LDHC: variants seen among roughly 807,000 people sequenced by gnomAD.
LDHC encodes the protein L-lactate dehydrogenase C chain.
Under a neutral mutation model 30.2 loss-of-function variants are expected in LDHC, and 20 were observed. The observed-to-expected ratio is 0.66, with a 90% confidence interval of 0.47 to 0.96. The LOEUF is 0.96. LDHC is among the 40% of genes least tolerant of loss of function. The probability of loss-of-function intolerance (pLI) is 0.00; values close to 1 mark genes in which losing one functional copy is unlikely to be tolerated. For synonymous variants in LDHC, 139 were observed against 132.7 expected (o/e 1.05, Z -0.32); for missense variants, 362 against 394.9 (o/e 0.92, Z 0.71).
chr11:18,430,955 G>C (rs1487638688), intron 4 of LDHC, among the ~76,000 whole-genome samples: 2 of 152,016 alleles, frequency 1.3e-5, no homozygotes, highest in Non-Finnish European at 2.9e-5. Flanking sequence ...CTTGAGCCTA[G>C]GAGTTTGAGA....
intron 2 of LDHC, 130 bp downstream of exon 2, chr11:18,412,973 CCCTCCCTCCCTCCCTTCCTT>C (rs1339283504): frequency 6.9e-6 from 3 of 431,948 alleles, no homozygotes; most frequent in Non-Finnish European, 1.2e-5. Context: ...TTTCCTCCCT[CCCTCCCTCCCTCCCTTCCTT>C]CCTTCCTTCC....
intron 2 of LDHC, among the ~76,000 whole-genome samples, chr11:18,414,197 T>C (rs113066977): frequency 0.014 from 2,076 of 152,352 alleles, 52 homozygotes; most frequent in African/African-American, 0.047. Context: ...CCGTCTTCCA[T>C]TTTCAAACTT....
chr11:18,415,229 C>T lies in LDHC; in HGVS notation c.172C>T (p.Leu58=). 2 of 1,611,108 alleles carry T rather than the reference C, an allele frequency of 1.2e-6. No individual in the cohort carries two copies. The highest frequency in any genetic ancestry group is 1.7e-6 in the Non-Finnish European group (2 of 1,177,868). Residue 58 remains leucine, a synonymous_variant, in exon 3 of 8, where the codon CTG becomes TTG. Coordinates refer to ENST00000541669, the MANE Select transcript of LDHC (RefSeq NM_017448.5). The part of the protein sequence containing the change: ...LALVDVALDK[L]KGEMMDLQHG... ...CCTTGTTGATGTTGCATTGGACAAA[C>T]TGAAGGGAGAAATGATGGATCTTCA...
chr11:18,433,492 G>T (rs1439357525), intron 4 of LDHC, among the ~76,000 whole-genome samples: 4 of 152,082 alleles, frequency 2.6e-5, no homozygotes, highest in Non-Finnish European at 5.9e-5. Context: ...TGGTGGCTTG[G>T]TAATGGCAAA....
chr11:18,425,027 C>A (rs900441508), intron 3 of LDHC, among the ~76,000 whole-genome samples: 4 of 152,006 alleles, frequency 2.6e-5, no homozygotes, highest in Non-Finnish European at 5.9e-5. Context: ...AATAAAAAAA[C>A]AATTAATATG....
intron 3 of LDHC, among the ~76,000 whole-genome samples, chr11:18,418,547 A>C (rs1483210116): frequency 1.3e-5 from 2 of 151,824 alleles, no homozygotes; most frequent in Non-Finnish European, 2.9e-5. Context: ...CTCCTGCCTC[A>C]GCCTCCCAAG....
chr11:18,426,337 G>T (rs1848161923), intron 3 of LDHC, among the ~76,000 whole-genome samples: 1 of 152,004 alleles, frequency 6.6e-6, no homozygotes, highest in Admixed American at 6.6e-5. Flanking sequence ...GACCAACCTG[G>T]CCAACATGGC....
chr11:18,438,547 G>C lies in LDHC; in HGVS notation c.612G>C (p.Val204=), dbSNP rs780800786. Residue 204 remains valine (V), a synonymous_variant, in exon 6 of 8, where the codon GTG becomes GTC. Coordinates refer to ENST00000541669, the MANE Select transcript of LDHC (RefSeq NM_017448.5). ...TTTTAGTGCCCTTATGGAGTGGGGT[G>C]AATGTTGCTGGTGTTGCTCTGAAGA... ...GDSSVPLWSG[V]NVAGVALKTL... The C allele has an allele frequency of 4.7e-5, 76 of 1,610,324 alleles. No homozygotes were observed. The highest frequency in any genetic ancestry group is 5.9e-5 in the Non-Finnish European group (70 of 1,176,756).
chr11:18,420,914 C>T (rs752953804), intron 3 of LDHC, among the ~76,000 whole-genome samples: 2 of 151,956 alleles, frequency 1.3e-5, no homozygotes, highest in Non-Finnish European at 1.5e-5. Context: ...TATAAATATA[C>T]GGGCGAGGGG....
intron 4 of LDHC, among the ~76,000 whole-genome samples, chr11:18,432,157 G>T (rs1446706218): frequency 2.0e-5 from 3 of 152,064 alleles, no homozygotes; most frequent in Admixed American, 2.0e-4. Context: ...GTTTTGATAG[G>T]TTGTGTCATT....
chr11:18,443,363 A>G (rs1002184728), intron 6 of LDHC, among the ~76,000 whole-genome samples: 1 of 152,114 alleles, frequency 6.6e-6, no homozygotes, highest in African/African-American at 2.4e-5. Flanking sequence ...GGAGCAGCCC[A>G]TCTACCTCCC....
At chr11:18,422,838 C>G (rs926177415) in intron 3 of LDHC, among the ~76,000 whole-genome samples, 1 of 151,402 alleles carries the variant, frequency 6.6e-6, no homozygotes, top group Non-Finnish European at 1.5e-5. Flanking sequence ...CAAAAATTAG[C>G]TGGGCGTGTT....
Position 18,451,178 on chromosome 11 carries a change from G to A in LDHC, c.*51G>A, listed in dbSNP as rs377316634. 6 of 1,182,016 alleles carry A rather than the reference G, an allele frequency of 5.1e-6. No homozygotes were observed. The African/African-American group carries it at 9.6e-5, about 19-fold the overall frequency. The allele number at this position is 1,182,016 out of a possible 1,614,324, so 73.2% of individuals were successfully genotyped here. A position where few individuals can be genotyped will look rare whatever the true frequency, so the allele number is the denominator to read the frequency against. On this transcript the variant is annotated 3_prime_UTR_variant, in exon 8 of 8. Transcript: ENST00000541669. ...TTTGGAGAACAGAAGATAGCAGGCT[G>A]TGTATTTTAAATTTTGAAAGTATTT...
intron 5 of LDHC, among the ~76,000 whole-genome samples, chr11:18,436,260 A>T (rs1848351375): frequency 6.6e-6 from 1 of 152,094 alleles, no homozygotes; most frequent in African/African-American, 2.4e-5. Context: ...AGAAAACAGT[A>T]TATTCTGATT....
At chr11:18,438,679 A>C in intron 6 of LDHC, 34 bp downstream of exon 6, 1 of 1,085,964 alleles carries the variant, frequency 9.2e-7, no homozygotes, top group Non-Finnish European at 1.4e-6. Context: ...TAATGCCTTA[A>C]TAGTCAGTCT....
chr11:18,441,650 G>A (rs1848469244), intron 6 of LDHC, among the ~76,000 whole-genome samples: 1 of 147,566 alleles, frequency 6.8e-6, no homozygotes, highest in African/African-American at 2.5e-5. Flanking sequence ...GCTCATGCCT[G>A]TAATCCCAGC....
At chr11:18,442,270 A>G (rs966797564) in intron 6 of LDHC, among the ~76,000 whole-genome samples, 16 of 152,122 alleles carry the variant, frequency 1.1e-4, no homozygotes, top group African/African-American at 3.9e-4. Context: ...ACTAATTTTT[A>G]TATCTAGAAA....
At chr11:18,424,407 G>A (rs944027063) in intron 3 of LDHC, among the ~76,000 whole-genome samples, 8 of 151,878 alleles carry the variant, frequency 5.3e-5, no homozygotes, top group African/African-American at 1.9e-4. Flanking sequence ...AACCCCACGA[G>A]TTTGTCATTA....
intron 3 of LDHC, among the ~76,000 whole-genome samples, chr11:18,425,917 G>T (rs1016080769): frequency 2.0e-5 from 3 of 151,804 alleles, no homozygotes; most frequent in Non-Finnish European, 4.4e-5. Context: ...CTCCAGCCTG[G>T]GCAACAGAGC....
Sources: allele counts gnomAD v4.1 joint callset (sites outside exome capture counted in the v4.1 genomes callset), GRCh38; gene constraint gnomAD v4.1.1; transcripts MANE v1.5; gene names NCBI Gene and HGNC (gene_info 2026-07-23, HGNC 2026-07-21).